CA10: variants seen among roughly 807,000 people sequenced by gnomAD.
The protein encoded by CA10 is carbonic anhydrase 10 (inactive), also known as carbonic anhydrase-related protein 10.
A neutral mutation model predicts 44.2 loss-of-function variants in CA10; 14 were observed. The ratio of observed to expected loss-of-function variants is 0.32; its 90% CI spans 0.21 to 0.50. The LOEUF is 0.50. CA10 is among the 20% of genes least tolerant of loss of function. The probability of loss-of-function intolerance (pLI) is 0.99; values close to 1 mark genes in which losing one functional copy is unlikely to be tolerated. For missense variants in CA10, 350 were observed against 409.7 expected (o/e 0.85, Z 1.26); for synonymous variants, 159 against 141.6 (o/e 1.12, Z -0.87).
chr17:51,921,902 C>T (rs776103541), intron 3 of CA10, among the ~76,000 whole-genome samples: 13 of 152,114 alleles, frequency 8.5e-5, no homozygotes, highest in Admixed American at 6.6e-4. Context: ...GGGGTACTAG[C>T]GAGGTGGCTC....
chr17:51,974,454 A>G (rs1984391858), intron 2 of CA10, among the ~76,000 whole-genome samples: 1 of 151,764 alleles, frequency 6.6e-6, no homozygotes, highest in Admixed American at 6.6e-5. Context: ...CCAAAGTAAT[A>G]TTAGTAAACT....
At position 51,744,474 on chromosome 17, in the gene CA10, G is replaced by C. The variant is rs549031017; in HGVS notation, c.465+3159C>G. On this transcript the variant is annotated intron_variant, in intron 4 of 8. Coordinates refer to ENST00000451037, the MANE Select transcript of CA10 (RefSeq NM_020178.5). ...TCCAGTAATGGGGCTGAGTGCAGTG[G>C]ATCACACCTATAATCCTAGCACTTT... 2.8e-4 allele frequency among the ~76,000 whole-genome samples: 42 copies of C among 152,114 alleles called. No individual in the cohort carries two copies. The South Asian group carries it at 8.5e-3, about 31-fold the overall frequency.
At chr17:51,987,470 A>G (rs139710257) in intron 2 of CA10, among the ~76,000 whole-genome samples, 2 of 152,166 alleles carry the variant, frequency 1.3e-5, no homozygotes, top group African/African-American at 4.8e-5. Flanking sequence ...ACAAATCACC[A>G]CTAAAGAACT....
chr17:52,078,684 C>G (rs113416844), intron 1 of CA10, among the ~76,000 whole-genome samples: 2 of 152,148 alleles, frequency 1.3e-5, no homozygotes, highest in Non-Finnish European at 2.9e-5. Context: ...CACTTCTTTC[C>G]TTGCATGGCC....
intron 3 of CA10, among the ~76,000 whole-genome samples, chr17:51,885,251 CT>C (rs1237787150): frequency 8.5e-5 from 13 of 152,250 alleles, no homozygotes; most frequent in Admixed American, 7.8e-4. Flanking sequence ...CCCATAAAGA[CT>C]TGTTGAATGA....
chr17:51,868,782 C>A (rs534148095), intron 3 of CA10, among the ~76,000 whole-genome samples: 1 of 152,206 alleles, frequency 6.6e-6, no homozygotes, highest in Admixed American at 6.5e-5. Context: ...TTTATAGTCA[C>A]CAGCTCTCCT....
chr17:51,644,691 T>A (rs1483955353), intron 6 of CA10, among the ~76,000 whole-genome samples: 1 of 152,134 alleles, frequency 6.6e-6, no homozygotes, highest in Non-Finnish European at 1.5e-5. Context: ...GATGAAAATG[T>A]CTTCTTTCCA....
chr17:51,845,544 G>A (rs766619982), intron 3 of CA10, among the ~76,000 whole-genome samples: 4 of 152,194 alleles, frequency 2.6e-5, no homozygotes, highest in Non-Finnish European at 1.5e-5. Flanking sequence ...AAACCACTGA[G>A]CATTGACGTA....
intron 3 of CA10, among the ~76,000 whole-genome samples, chr17:51,928,640 G>T (rs899146358): frequency 9.2e-5 from 14 of 152,110 alleles, no homozygotes; most frequent in African/African-American, 3.4e-4. Flanking sequence ...CTGACACCCA[G>T]CTTGGCTCAG....
At chr17:52,138,351 G>A (rs1485270787) in intron 1 of CA10, among the ~76,000 whole-genome samples, 4 of 152,068 alleles carry the variant, frequency 2.6e-5, no homozygotes, top group Non-Finnish European at 4.4e-5. Context: ...AATCATGAAT[G>A]CTAAATCCCT....
At chr17:51,682,116 G>C (rs1010670002) in intron 4 of CA10, among the ~76,000 whole-genome samples, 1 of 152,224 alleles carries the variant, frequency 6.6e-6, no homozygotes, top group African/African-American at 2.4e-5. Context: ...CATGGTCCCT[G>C]TTCTCTAGGT....
chr17:51,649,958 C>T lies in CA10; in HGVS notation c.562-704G>A, dbSNP rs140248738. ...TCATAAGCCATGTAATTCAATCAAC[C>T]AACCATCCATCCATCCAGCCAGCCA... is the stretch of plus-strand genomic sequence containing the variant. On this transcript the variant is annotated intron_variant, in intron 5 of 8. Coordinates refer to ENST00000451037, the MANE Select transcript of CA10 (RefSeq NM_020178.5). Among the ~76,000 whole-genome samples the T allele has an allele frequency of 3.6e-4, 51 of 140,672 alleles. No individual in the cohort carries two copies. The Middle Eastern group carries it at 0.011, about 30-fold the overall frequency. The allele number at this position is 140,672 out of a possible 152,430, so 92.3% of individuals were successfully genotyped here. A position where few individuals can be genotyped will look rare whatever the true frequency, so the allele number is the denominator to read the frequency against.
At chr17:51,742,440 C>T (rs935299598) in intron 4 of CA10, among the ~76,000 whole-genome samples, 1 of 152,170 alleles carries the variant, frequency 6.6e-6, no homozygotes, top group African/African-American at 2.4e-5. Flanking sequence ...ATGTTCTCCT[C>T]AGCACTTTTC....
chr17:51,804,210 A>C (rs1165101303), intron 3 of CA10, among the ~76,000 whole-genome samples: 1 of 152,258 alleles, frequency 6.6e-6, no homozygotes, highest in Non-Finnish European at 1.5e-5. Flanking sequence ...CTATTAAAAA[A>C]TACAAATTTC....
chr17:51,865,409 CA>C (rs1351956375), intron 3 of CA10, among the ~76,000 whole-genome samples: 2 of 152,150 alleles, frequency 1.3e-5, no homozygotes, highest in Admixed American at 1.3e-4. Flanking sequence ...ATCTACTAAA[CA>C]GGGGGTTCCT....
chr17:52,148,062 C>T (rs1043568586), intron 1 of CA10, among the ~76,000 whole-genome samples: 7 of 152,114 alleles, frequency 4.6e-5, no homozygotes, highest in Non-Finnish European at 1.0e-4. Context: ...TCAGCTACAC[C>T]ACAATTCTGT....
intron 4 of CA10, among the ~76,000 whole-genome samples, chr17:51,730,901 G>A (rs1181868764): frequency 2.4e-5 from 2 of 83,488 alleles, no homozygotes; most frequent in African/African-American, 4.1e-5. Flanking sequence ...GTCAACACAG[G>A]GATAAAAAAA....
intron 3 of CA10, among the ~76,000 whole-genome samples, chr17:51,767,620 G>A (rs1398970292): frequency 2.0e-5 from 3 of 152,164 alleles, no homozygotes; most frequent in Admixed American, 6.5e-5. Flanking sequence ...GATGATCGAA[G>A]CACATTACAT....
At chr17:52,066,118 C>A (rs1419176006) in intron 2 of CA10, among the ~76,000 whole-genome samples, 1 of 152,132 alleles carries the variant, frequency 6.6e-6, no homozygotes, top group African/African-American at 2.4e-5. Flanking sequence ...TCAGGCAGTT[C>A]TTTATAGCAG....
Sources: allele counts gnomAD v4.1 joint callset (sites outside exome capture counted in the v4.1 genomes callset), GRCh38; gene constraint gnomAD v4.1.1; transcripts MANE v1.5; gene names NCBI Gene and HGNC (gene_info 2026-07-23, HGNC 2026-07-21).